Variants in KATNAL1 observed in about 807,000 individuals in gnomAD.
The protein encoded by KATNAL1 is katanin p60 ATPase-containing subunit A-like 1.
A neutral mutation model predicts 55.2 loss-of-function variants in KATNAL1; 32 were observed. That is an observed-to-expected ratio of 0.58 (90% CI 0.44 to 0.78). The LOEUF (loss-of-function observed/expected upper bound fraction) is 0.78. Ranked by LOEUF, KATNAL1 falls within the 30% of genes least tolerant of loss-of-function variation. KATNAL1 has a pLI of 0.00. For synonymous variants in KATNAL1, 193 were observed against 193.6 expected (o/e 1.00, Z 0.02); for missense variants, 466 against 600.9 (o/e 0.78, Z 2.35).
chr13:30,260,270 G>GAA (rs1422151790), intron 3 of KATNAL1, among the ~76,000 whole-genome samples: 1 of 152,026 alleles, frequency 6.6e-6, no homozygotes, highest in African/African-American at 2.4e-5. Flanking sequence ...CAAAGATGGG[G>GAA]AAAAAAACAG....
In KATNAL1 at chr13:30,204,277, C is replaced by T. The variant is rs1872916764; in HGVS notation, c.*4263G>A. 6.6e-6 allele frequency: 1 copy of T among 152,152 alleles called. No individual in the cohort carries two copies. The allele number at this position is 152,152 out of a possible 1,614,324, so 9.4% of individuals were successfully genotyped here. On this transcript the variant is annotated 3_prime_UTR_variant, in exon 11 of 11. Coordinates refer to ENST00000380615, the MANE Select transcript of KATNAL1 (RefSeq NM_032116.5). ...TTTTATGCCTGTCATACAGAATATA[C>T]CCTAAACTGATTTATCACTAATAAA...
At chr13:30,256,796 C>T (rs975319010) in intron 3 of KATNAL1, among the ~76,000 whole-genome samples, 1 of 152,088 alleles carries the variant, frequency 6.6e-6, no homozygotes, top group African/African-American at 2.4e-5. Context: ...TCTAGAAGGC[C>T]GGCAAAAACC....
intron 3 of KATNAL1, among the ~76,000 whole-genome samples, chr13:30,259,839 A>C (rs549484557): frequency 0.013 from 2,011 of 152,356 alleles, 37 homozygotes; most frequent in African/African-American, 0.045. Context: ...TAAACAAAGC[A>C]GCCGGGAAGC....
At chr13:30,269,913 T>C (rs185940530) in intron 3 of KATNAL1, among the ~76,000 whole-genome samples, 4,991 of 141,344 alleles carry the variant, frequency 0.035, 90 homozygotes, top group African/African-American at 0.052. Flanking sequence ...GTCAGCCCCC[T>C]GCCCGGCCAG....
Position 30,208,967 on chromosome 13 carries a change from T to A in KATNAL1, c.1275-229A>T, listed in dbSNP as rs9551868. On this transcript the variant is annotated intron_variant, in intron 10 of 10. Transcript: ENST00000380615. ...GTTAACGAACCCTAAAAGTCTAAGT[T>A]AAGCTCGAATAGTACTGAATTTTCT... 0.16 allele frequency among the ~76,000 whole-genome samples: 23,602 copies of A among 152,254 alleles called. 2,371 individuals are homozygous for A. Among genetic ancestry groups the A allele is most frequent in the East Asian group, 0.35 (1,793 of 5,178 alleles).
In KATNAL1 at chr13:30,210,385, T is replaced by C. The variant is rs1458263448; in HGVS notation, c.1205A>G (p.Asp402Gly). The change falls in exon 10 of 11, where the codon GAT becomes GGT. Residue 402 changes from aspartate to glycine, a missense_variant. Physicochemically the swap from Asp to Gly is moderately conservative, Grantham distance 94. Transcript: ENST00000380615. ...INLREVELDPDIQLEDIAEKI... is the reference protein window; with the variant it reads ...INLREVELDPGIQLEDIAEKI... The stretch of plus-strand genomic sequence containing the variant: ...CTCGGCTATATCTTCCAGTTGAATA[T>C]CAGGATCTAATTCGACCTCACGAAG... The C allele has an allele frequency of 1.9e-6, 3 of 1,608,604 alleles. No homozygotes were observed. Among genetic ancestry groups the C allele is most frequent in the Admixed American group, 3.4e-5 (2 of 59,242 alleles).
intron 3 of KATNAL1, among the ~76,000 whole-genome samples, chr13:30,275,068 G>A (rs1270396478): frequency 6.6e-6 from 1 of 152,028 alleles, no homozygotes; most frequent in Non-Finnish European, 1.5e-5. Context: ...GTCTGTTTTT[G>A]TTTTTTGTTT....
chr13:30,211,243 A>AC (rs1242805103), intron 9 of KATNAL1, among the ~76,000 whole-genome samples: 4 of 152,192 alleles, frequency 2.6e-5, no homozygotes, highest in Non-Finnish European at 5.9e-5. Context: ...ATCAATGAAT[A>AC]CCCATTTCCC....
intron 2 of KATNAL1, 132 bp downstream of exon 2, chr13:30,283,484 A>T: frequency 1.5e-6 from 1 of 646,918 alleles, no homozygotes; most frequent in Non-Finnish European, 2.5e-6. Flanking sequence ...TATATTTTAA[A>T]TGTATTTCAG....
intron 3 of KATNAL1, among the ~76,000 whole-genome samples, chr13:30,256,829 C>T (rs1019318505): frequency 6.6e-6 from 1 of 152,168 alleles, no homozygotes; most frequent in South Asian, 2.1e-4. Flanking sequence ...ATGAGGTAAA[C>T]ATACACTGAC....
At chr13:30,245,902 G>T (rs1245035852) in intron 4 of KATNAL1, among the ~76,000 whole-genome samples, 1 of 152,038 alleles carries the variant, frequency 6.6e-6, no homozygotes, top group Non-Finnish European at 1.5e-5. Context: ...AAGAGAGGAC[G>T]CAAACTAATG....
chr13:30,268,494 C>T (rs1414036195), intron 3 of KATNAL1, among the ~76,000 whole-genome samples: 1 of 152,076 alleles, frequency 6.6e-6, no homozygotes, highest in African/African-American at 2.4e-5. Context: ...CACTGTTTAA[C>T]ACAAAGACAG....
intron 1 of KATNAL1, among the ~76,000 whole-genome samples, chr13:30,286,687 C>G (rs1218053253): frequency 6.6e-6 from 1 of 152,198 alleles, no homozygotes; most frequent in African/African-American, 2.4e-5. Flanking sequence ...AGAAGAGGGC[C>G]ACCATCCTAC....
chr13:30,271,819 A>C lies in KATNAL1; in HGVS notation c.323+8244T>G, dbSNP rs566600260. 1.0e-4 allele frequency among the ~76,000 whole-genome samples: 15 copies of C among 149,246 alleles called. No individual in the cohort carries two copies. In the South Asian group the frequency reaches 3.1e-3, roughly 30 times the overall value. ...CTCCATAGGGCTCACAAAGCTAAGG[A>C]CTAGGGAGCAACAAGTGGAAGAGAT... On this transcript the variant is annotated intron_variant, in intron 3 of 10. Coordinates refer to ENST00000380615, the MANE Select transcript of KATNAL1 (RefSeq NM_032116.5).
intron 4 of KATNAL1, among the ~76,000 whole-genome samples, chr13:30,254,058 G>A (rs1446029945): frequency 2.6e-5 from 4 of 151,648 alleles, no homozygotes; most frequent in Admixed American, 1.3e-4. Context: ...CCAGTAAACC[G>A]TCACCATGGT....
At chr13:30,297,606 G>C (rs1038052618) in intron 1 of KATNAL1, among the ~76,000 whole-genome samples, 14 of 152,226 alleles carry the variant, frequency 9.2e-5, no homozygotes, top group East Asian at 1.9e-4. Context: ...CAAAGCCATG[G>C]AATCAATCTC....
Position 30,265,688 on chromosome 13 carries a change from T to C in KATNAL1, c.324-10073A>G, listed in dbSNP as rs141583619. On this transcript the variant is annotated intron_variant, in intron 3 of 10. Coordinates refer to ENST00000380615, the MANE Select transcript of KATNAL1 (RefSeq NM_032116.5). ...TTATGAGCCTAGCAGATTTTAGAAG[T>C]CCCTTTTAAGAGATTTTTTTTTTTT... Among the ~76,000 whole-genome samples, 437 of 151,414 alleles carry C rather than the reference T, an allele frequency of 2.9e-3. 2 individuals carry two copies. The highest frequency in any genetic ancestry group is 9.7e-3 in the African/African-American group (397 of 41,134).
At chr13:30,215,569 T>C (rs557725979) in intron 9 of KATNAL1, among the ~76,000 whole-genome samples, 34 of 152,316 alleles carry the variant, frequency 2.2e-4, no homozygotes, top group African/African-American at 8.2e-4. Context: ...ATGTGGCACA[T>C]ATACACCATG....
At chr13:30,253,577 A>T (rs1225424986) in intron 4 of KATNAL1, among the ~76,000 whole-genome samples, 4 of 151,210 alleles carry the variant, frequency 2.6e-5, no homozygotes, top group Admixed American at 1.3e-4. Flanking sequence ...AGGCAGGAGA[A>T]TGACGTGAAC....
Sources: allele counts gnomAD v4.1 joint callset (sites outside exome capture counted in the v4.1 genomes callset), GRCh38; gene constraint gnomAD v4.1.1; transcripts MANE v1.5; gene names NCBI Gene and HGNC (gene_info 2026-07-23, HGNC 2026-07-21).